Variants in GABPA observed in about 807,000 individuals in gnomAD.
GABPA encodes the protein GA binding protein transcription factor subunit alpha.
Under a neutral mutation model 59.4 loss-of-function variants are expected in GABPA, and 4 were observed. That is an observed-to-expected ratio of 0.07 (90% CI 0.03 to 0.15). The LOEUF (loss-of-function observed/expected upper bound fraction) is 0.15. GABPA is among the 10% of genes least tolerant of loss of function. The pLI is 1.00. For synonymous variants in GABPA, 164 were observed against 183.1 expected (o/e 0.90, Z 0.84); for missense variants, 251 against 543.8 (o/e 0.46, Z 5.36).
intron 7 of GABPA, 116 bp from the exon 8 acceptor site, chr21:25,764,094 A>T: frequency 1.3e-6 from 1 of 798,766 alleles, no homozygotes; most frequent in Non-Finnish European, 1.9e-6. Context: ...GTAGTGAAGT[A>T]CTTTCTTGGG....
At chr21:25,746,259 C>T (rs1019906795) in intron 3 of GABPA, among the ~76,000 whole-genome samples, 2 of 152,126 alleles carry the variant, frequency 1.3e-5, no homozygotes, top group Non-Finnish European at 2.9e-5. Flanking sequence ...AAGTGATCCG[C>T]CTGCCTTGGC....
intron 1 of GABPA, among the ~76,000 whole-genome samples, chr21:25,736,830 C>T (rs67839741): frequency 1.3e-5 from 2 of 152,280 alleles, no homozygotes; most frequent in South Asian, 2.1e-4. Flanking sequence ...GATATGTATG[C>T]TTTGCTTTTT....
intron 1 of GABPA, among the ~76,000 whole-genome samples, chr21:25,741,028 C>T (rs2035207443): frequency 6.6e-6 from 1 of 152,152 alleles, no homozygotes; most frequent in Non-Finnish European, 1.5e-5. Flanking sequence ...TGCAATTGGT[C>T]CCGAAAACAT....
intron 6 of GABPA, among the ~76,000 whole-genome samples, chr21:25,761,632 T>C (rs1006017965): frequency 6.6e-6 from 1 of 152,130 alleles, no homozygotes; most frequent in Non-Finnish European, 1.5e-5. Flanking sequence ...TAGGCTGAAG[T>C]AATAGAGACT....
At chr21:25,755,432 TAAAAAAAAAAA>T (rs968729001) in intron 5 of GABPA, among the ~76,000 whole-genome samples, 1 of 85,788 alleles carries the variant, frequency 1.2e-5, no homozygotes, top group Non-Finnish European at 2.5e-5. Context: ...CAAGACTGTC[TAAAAAAAAAAA>T]AAAAAAAAAA....
At chr21:25,751,968 T>C in intron 4 of GABPA, 21 bp from the exon 5 acceptor site, 1 of 1,602,728 alleles carries the variant, frequency 6.2e-7, no homozygotes, top group Non-Finnish European at 8.5e-7. Flanking sequence ...GATTTACAAT[T>C]TTTTTTTATC....
chr21:25,758,431 T>C (rs981194498), intron 6 of GABPA, among the ~76,000 whole-genome samples: 9 of 152,196 alleles, frequency 5.9e-5, no homozygotes, highest in African/African-American at 1.9e-4. Flanking sequence ...AAAGTGAGGC[T>C]TTGAGAGCCC....
intron 1 of GABPA, among the ~76,000 whole-genome samples, chr21:25,738,719 T>A (rs1051434880): frequency 6.6e-6 from 1 of 152,202 alleles, no homozygotes; most frequent in Non-Finnish European, 1.5e-5. Context: ...CTGCTGAAGG[T>A]AGTACTCTTC....
chr21:25,759,904 A>C (rs967825592), intron 6 of GABPA, among the ~76,000 whole-genome samples: 1 of 152,214 alleles, frequency 6.6e-6, no homozygotes, highest in East Asian at 1.9e-4. Context: ...AGTCTTTCCC[A>C]GGTCAGCTGT....
intron 9 of GABPA, among the ~76,000 whole-genome samples, 167 bp downstream of exon 9, chr21:25,764,954 G>A (rs1387905758): frequency 4.2e-5 from 6 of 144,514 alleles, no homozygotes; most frequent in South Asian, 2.2e-4. Context: ...TAATAATTTC[G>A]AGGTACAGTT....
intron 1 of GABPA, among the ~76,000 whole-genome samples, chr21:25,736,099 T>C (rs1321502933): frequency 3.9e-5 from 6 of 152,226 alleles, no homozygotes; most frequent in Non-Finnish European, 8.8e-5. Context: ...TTTTTGTTTT[T>C]AAGCAAGGAA....
intron 7 of GABPA, among the ~76,000 whole-genome samples, chr21:25,763,908 A>G (rs2035824480): frequency 7.5e-6 from 1 of 132,748 alleles, no homozygotes; most frequent in Non-Finnish European, 1.6e-5. Context: ...TTATGAACAA[A>G]TGTTTTAAGA....
At chr21:25,745,083 C>A in intron 2 of GABPA, 127 bp from the exon 3 acceptor site, 7 of 915,744 alleles carry the variant, frequency 7.6e-6, no homozygotes, top group Non-Finnish European at 1.2e-5. Context: ...GCCACAGTAT[C>A]TATGTAGAAA....
chr21:25,767,868 A>C (rs897704167), intron 9 of GABPA, among the ~76,000 whole-genome samples: 1 of 152,102 alleles, frequency 6.6e-6, no homozygotes, highest in Non-Finnish European at 1.5e-5. Context: ...AAAGATGACA[A>C]TTTCCTGTAT....
At chr21:25,761,875 T>C (rs1265740440) in intron 6 of GABPA, among the ~76,000 whole-genome samples, 3 of 152,206 alleles carry the variant, frequency 2.0e-5, no homozygotes, top group Non-Finnish European at 4.4e-5. Flanking sequence ...CTTAAGCAGC[T>C]TTAGTCAAAA....
chr21:25,766,850 C>G (rs2035901941), intron 9 of GABPA, among the ~76,000 whole-genome samples: 1 of 151,926 alleles, frequency 6.6e-6, no homozygotes, highest in Admixed American at 6.6e-5. Flanking sequence ...TTATTTATAA[C>G]ATCCAAACCC....
At chr21:25,767,073 T>C (rs2035907948) in intron 9 of GABPA, among the ~76,000 whole-genome samples, 1 of 151,882 alleles carries the variant, frequency 6.6e-6, no homozygotes, top group South Asian at 2.1e-4. Flanking sequence ...AACAGGAAAA[T>C]TAAATTTCAG....
At chr21:25,760,980 T>A (rs1209743169) in intron 6 of GABPA, among the ~76,000 whole-genome samples, 1 of 152,168 alleles carries the variant, frequency 6.6e-6, no homozygotes. Flanking sequence ...ATTATGCCTG[T>A]GCTGTGTGAT....
chr21:25,742,955 A>G (rs770271428), intron 2 of GABPA, among the ~76,000 whole-genome samples: 1 of 151,562 alleles, frequency 6.6e-6, no homozygotes, highest in Non-Finnish European at 1.5e-5. Context: ...AAAGCCCAAC[A>G]TTTTTTATTG....
Sources: gnomAD v4.1 joint callset for allele counts (sites outside exome capture counted in the v4.1 genomes callset) on GRCh38, gnomAD v4.1.1 for gene constraint, MANE v1.5 for transcripts, NCBI Gene and HGNC (gene_info 2026-07-23, HGNC 2026-07-21) for gene names.